CNTN6: variants seen among roughly 807,000 people sequenced by gnomAD.
The protein encoded by CNTN6 is contactin 6.
In CNTN6, 137 loss-of-function variants were observed where a neutral mutation model predicts 122.8. That is an observed-to-expected ratio of 1.12 (90% CI 0.97 to 1.29). CNTN6 has a LOEUF of 1.29. Ranked by LOEUF, CNTN6 falls within the 50% of genes most tolerant of loss-of-function variation. The pLI is 0.00. For synonymous variants in CNTN6, 570 were observed against 426.0 expected (o/e 1.34, Z -4.16); for missense variants, 1,634 against 1,223.4 (o/e 1.34, Z -5.01).
chr3:1,098,732 T>C (rs754985870), intron 1 of CNTN6, among the ~76,000 whole-genome samples: 48 of 143,762 alleles, frequency 3.3e-4, no homozygotes, highest in Non-Finnish European at 7.2e-4. Flanking sequence ...GTTACATAAG[T>C]CTTTGAATTC....
intron 7 of CNTN6, among the ~76,000 whole-genome samples, chr3:1,298,710 A>C (rs1369980796): frequency 6.6e-6 from 1 of 152,176 alleles, no homozygotes; most frequent in Non-Finnish European, 1.5e-5. Flanking sequence ...GTTAATATGC[A>C]TGTGAGTTAC....
intron 12 of CNTN6, among the ~76,000 whole-genome samples, chr3:1,364,439 T>A (rs1422716053): frequency 6.6e-6 from 1 of 151,886 alleles, no homozygotes; most frequent in East Asian, 1.9e-4. Context: ...AGTTTATAAC[T>A]TCAGCAACAC....
chr3:1,126,501 T>C (rs1284638542), intron 1 of CNTN6, among the ~76,000 whole-genome samples: 1 of 151,842 alleles, frequency 6.6e-6, no homozygotes, highest in Non-Finnish European at 1.5e-5. Flanking sequence ...ATTATCACAT[T>C]TATTCCCCTC....
chr3:1,352,353 A>G lies in CNTN6; in HGVS notation c.1394A>G (p.Lys465Arg). 6.4e-7 allele frequency: 1 copy of G among 1,555,886 alleles called. No individual in the cohort carries two copies. Among genetic ancestry groups the G allele is most frequent in the Non-Finnish European group, 8.7e-7 (1 of 1,144,524 alleles). Residue 465 changes from lysine (K) to arginine (R), a missense_variant, in exon 12 of 23, where the codon AAG (lysine) becomes AGG (arginine). By Grantham distance (26) the Lys-to-Arg change is conservative (BLOSUM62 2). Transcript: ENST00000446702. ...TTTCTCTTGGAGGATGGCAGCCTCA[A>G]GATATATAATATTACCAGGTCAGAT... is the stretch of plus-strand genomic sequence containing the variant. ...RIFLLEDGSL[K>R]IYNITRSDAG...
intron 2 of CNTN6, among the ~76,000 whole-genome samples, chr3:1,163,653 A>G (rs1442363975): frequency 6.6e-6 from 1 of 152,166 alleles, no homozygotes; most frequent in East Asian, 1.9e-4. Context: ...ACTGGCTTCA[A>G]GTGTCTTCCC....
chr3:1,390,324 G>C (rs1291347800), intron 20 of CNTN6, among the ~76,000 whole-genome samples: 1 of 151,842 alleles, frequency 6.6e-6, no homozygotes. Context: ...GATACATAAC[G>C]AAATGAAGGC....
intron 4 of CNTN6, among the ~76,000 whole-genome samples, chr3:1,251,949 C>G (rs1007146805): frequency 6.6e-6 from 1 of 152,130 alleles, no homozygotes; most frequent in African/African-American, 2.4e-5. Flanking sequence ...TCAAGGTAAT[C>G]TGGCACTCTG....
chr3:1,340,050 C>A (rs1022588594), intron 11 of CNTN6, among the ~76,000 whole-genome samples: 2 of 152,050 alleles, frequency 1.3e-5, no homozygotes, highest in Admixed American at 6.6e-5. Context: ...TACAACATAC[C>A]TATGAGAGGC....
intron 5 of CNTN6, among the ~76,000 whole-genome samples, chr3:1,284,054 A>G (rs1212144956): frequency 2.0e-5 from 3 of 152,196 alleles, no homozygotes; most frequent in African/African-American, 4.8e-5. Flanking sequence ...GCTCATAAAA[A>G]TTATAGGTTT....
At chr3:1,122,654 T>A (rs953354608) in intron 1 of CNTN6, among the ~76,000 whole-genome samples, 12 of 152,002 alleles carry the variant, frequency 7.9e-5, no homozygotes, top group African/African-American at 2.9e-4. Flanking sequence ...CCTCTGCCTA[T>A]GTAGATTTAT....
chr3:1,157,191 C>T (rs1389290801), intron 2 of CNTN6, among the ~76,000 whole-genome samples: 3 of 102,606 alleles, frequency 2.9e-5, no homozygotes, highest in African/African-American at 1.5e-4. Flanking sequence ...TAATTATACT[C>T]TTTTATTTAT....
intron 4 of CNTN6, among the ~76,000 whole-genome samples, chr3:1,273,235 A>C: frequency 6.6e-6 from 1 of 152,226 alleles, no homozygotes; most frequent in Non-Finnish European, 1.5e-5. Flanking sequence ...CAGCCTGGGC[A>C]GGTCACCTTT....
intron 20 of CNTN6, chr3:1,394,526 T>TGGGCACCTGCAACG (rs1241253500): frequency 1.3e-5 from 2 of 152,716 alleles, no homozygotes; most frequent in Non-Finnish European, 2.9e-5. Flanking sequence ...GGGCGGGCCA[T>TGGGCACCTGCAACG]GGGCACCTGC....
At chr3:1,366,071 C>G (rs1044975792) in intron 12 of CNTN6, among the ~76,000 whole-genome samples, 1 of 152,096 alleles carries the variant, frequency 6.6e-6, no homozygotes, top group South Asian at 2.1e-4. Flanking sequence ...TATTCAAGGT[C>G]TAGACACACT....
chr3:1,122,496 CATTT>C (rs1348695962), intron 1 of CNTN6, among the ~76,000 whole-genome samples: 1 of 149,808 alleles, frequency 6.7e-6, no homozygotes, highest in Admixed American at 6.7e-5. Flanking sequence ...AATTCGGTTG[CATTT>C]AATACAGGCA....
At chr3:1,358,722 T>A (rs1260085046) in intron 12 of CNTN6, among the ~76,000 whole-genome samples, 1 of 151,982 alleles carries the variant, frequency 6.6e-6, no homozygotes, top group African/African-American at 2.4e-5. Flanking sequence ...GAAGAAAATA[T>A]CATTTGTATT....
chr3:1,260,795 C>T (rs954943773), intron 4 of CNTN6, among the ~76,000 whole-genome samples: 4 of 151,902 alleles, frequency 2.6e-5, no homozygotes, highest in Non-Finnish European at 4.4e-5. Flanking sequence ...CTGATGCCGC[C>T]GTGTAAAGAA....
At chr3:1,339,605 G>A (rs1239179570) in intron 11 of CNTN6, among the ~76,000 whole-genome samples, 6 of 152,120 alleles carry the variant, frequency 3.9e-5, no homozygotes, top group Non-Finnish European at 7.4e-5. Context: ...GGCAGTTGAA[G>A]AGTGAGTGGG....
chr3:1,312,553 G>C (rs1301100878), intron 7 of CNTN6, among the ~76,000 whole-genome samples: 1 of 150,936 alleles, frequency 6.6e-6, no homozygotes, highest in Non-Finnish European at 1.5e-5. Context: ...ACTCAAATTT[G>C]GAGGCATCTC....
Sources: gnomAD v4.1 joint callset for allele counts (sites outside exome capture counted in the v4.1 genomes callset) on GRCh38, gnomAD v4.1.1 for gene constraint, MANE v1.5 for transcripts, NCBI Gene and HGNC (gene_info 2026-07-23, HGNC 2026-07-21) for gene names.